Variants in USP25 observed in about 807,000 individuals in gnomAD.
The protein encoded by USP25 is ubiquitin specific peptidase 25.
A neutral mutation model predicts 158.5 loss-of-function variants in USP25; 85 were observed. The ratio of observed to expected loss-of-function variants is 0.54; its 90% CI spans 0.45 to 0.64. The LOEUF (loss-of-function observed/expected upper bound fraction) is 0.64. Ranked by LOEUF, USP25 falls within the 30% of genes least tolerant of loss-of-function variation. The probability of loss-of-function intolerance (pLI) is 0.00; values close to 1 mark genes in which losing one functional copy is unlikely to be tolerated. For missense variants in USP25, 1,242 were observed against 1,327.3 expected (o/e 0.94, Z 1.00); for synonymous variants, 464 against 460.4 (o/e 1.01, Z -0.10).
Position 15,809,557 on chromosome 21 carries a change from T to C in USP25, c.857+672T>C, listed in dbSNP as rs139700073. ...CCCTTGTGCAGTGTTGGTGAGGATA[T>C]GAAATGGTACAGCCACTGTGGAAAA... On this transcript the variant is annotated intron_variant, in intron 8 of 25. Coordinates refer to ENST00000400183, the MANE Select transcript of USP25 (RefSeq NM_001283041.3). Among the ~76,000 whole-genome samples, 380 of 152,228 alleles carry C rather than the reference T, an allele frequency of 2.5e-3. 2 individuals carry two copies. The highest frequency in any genetic ancestry group is 8.7e-3 in the African/African-American group (363 of 41,530).
intron 17 of USP25, among the ~76,000 whole-genome samples, chr21:15,838,097 T>G (rs1763885474): frequency 6.6e-6 from 1 of 151,910 alleles, no homozygotes; most frequent in African/African-American, 2.4e-5. Flanking sequence ...GGGCTGATTT[T>G]TTTGTATTTT....
intron 4 of USP25, among the ~76,000 whole-genome samples, chr21:15,783,591 G>C (rs940386762): frequency 4.0e-5 from 6 of 151,796 alleles, no homozygotes; most frequent in African/African-American, 1.5e-4. Flanking sequence ...ACAGTGCTGG[G>C]AAAAAATAAA....
chr21:15,789,288 TC>T (rs1199079115), intron 4 of USP25, among the ~76,000 whole-genome samples: 1 of 152,038 alleles, frequency 6.6e-6, no homozygotes, highest in African/African-American at 2.4e-5. Flanking sequence ...CAAAAGACCT[TC>T]CTGGGGTTTA....
At chr21:15,813,079 G>T (rs1175462898) in intron 9 of USP25, among the ~76,000 whole-genome samples, 1 of 142,476 alleles carries the variant, frequency 7.0e-6, no homozygotes, top group African/African-American at 2.6e-5. Context: ...CATCTTTTCT[G>T]TGTCTGTACT....
At chr21:15,815,394 C>T (rs2036886718) in intron 9 of USP25, among the ~76,000 whole-genome samples, 1 of 152,206 alleles carries the variant, frequency 6.6e-6, no homozygotes, top group South Asian at 2.1e-4. Flanking sequence ...CCACTGTCCT[C>T]CAGACCCCAG....
intron 1 of USP25, among the ~76,000 whole-genome samples, chr21:15,759,550 T>G (rs1180517434): frequency 6.6e-6 from 1 of 152,226 alleles, no homozygotes; most frequent in Non-Finnish European, 1.5e-5. Flanking sequence ...ATCGGTAGAT[T>G]TGAATATATT....
At chr21:15,838,907 C>T (rs1406960912) in intron 17 of USP25, among the ~76,000 whole-genome samples, 2 of 152,048 alleles carry the variant, frequency 1.3e-5, no homozygotes, top group Non-Finnish European at 2.9e-5. Flanking sequence ...TCCTCAATAG[C>T]CTGTTTCAAC....
chr21:15,788,097 AC>A (rs2035394426), intron 4 of USP25, among the ~76,000 whole-genome samples: 1 of 151,280 alleles, frequency 6.6e-6, no homozygotes, highest in African/African-American at 2.4e-5. Flanking sequence ...GATAGGTCAG[AC>A]TCGTTTTTGG....
rs1359425528 is a variant in USP25 at position 15,816,753 on chromosome 21, A to G, written c.932-1945A>G. 6.6e-6 allele frequency among the ~76,000 whole-genome samples: 1 copy of G among 152,022 alleles called. No homozygotes were observed. The highest frequency in any genetic ancestry group is 1.5e-5 in the Non-Finnish European group (1 of 68,020). ...GTCTTCTCAAATTGAAATCTCATGG[A>G]TCATAATGAACCAGTGATTTCCACT... On this transcript the variant is annotated intron_variant, in intron 9 of 25. Coordinates refer to ENST00000400183, the MANE Select transcript of USP25 (RefSeq NM_001283041.3). The surrounding 1 kb of genome is among the most constrained non-coding windows in gnomAD (Gnocchi z 4.0).
rs139208199 is a variant in USP25 at position 15,834,869 on chromosome 21, G to A, written c.2194+1321G>A. On this transcript the variant is annotated intron_variant, in intron 17 of 25. Coordinates refer to ENST00000400183, the MANE Select transcript of USP25 (RefSeq NM_001283041.3). ...TTTCCCCCACGTGTACAAGGCTACCGCGTAGAGCAGGTGAAGCTATGTGGG... is the reference window on the plus strand; with the variant it reads ...TTTCCCCCACGTGTACAAGGCTACCACGTAGAGCAGGTGAAGCTATGTGGG... 2.5e-3 allele frequency among the ~76,000 whole-genome samples: 377 copies of A among 152,308 alleles called. 2 individuals are homozygous for A. The highest frequency in any genetic ancestry group is 8.8e-3 in the African/African-American group (365 of 41,564).
intron 1 of USP25, among the ~76,000 whole-genome samples, chr21:15,740,233 A>C (rs1467120551): frequency 6.6e-6 from 1 of 152,240 alleles, no homozygotes; most frequent in East Asian, 1.9e-4. Flanking sequence ...ATCGCAGATT[A>C]TTCTTCTGCA....
At chr21:15,863,383 A>G (rs1346161964) in intron 20 of USP25, among the ~76,000 whole-genome samples, 1 of 152,176 alleles carries the variant, frequency 6.6e-6, no homozygotes, top group Admixed American at 6.5e-5. Context: ...TGTTGGAGCA[A>G]TAAATACTTC....
intron 1 of USP25, among the ~76,000 whole-genome samples, chr21:15,757,932 G>C (rs1409837694): frequency 6.6e-6 from 1 of 152,144 alleles, no homozygotes; most frequent in African/African-American, 2.4e-5. Flanking sequence ...TTATTAATTT[G>C]TGTATATACT....
chr21:15,866,514 A>G (rs1601177512), intron 22 of USP25, among the ~76,000 whole-genome samples, 170 bp downstream of exon 22: 1 of 152,252 alleles, frequency 6.6e-6, no homozygotes, highest in East Asian at 1.9e-4. Context: ...TGATTTTAGG[A>G]TTAACATGAT....
At chr21:15,822,852 A>G (rs2037301954) in intron 10 of USP25, among the ~76,000 whole-genome samples, 1 of 152,060 alleles carries the variant, frequency 6.6e-6, no homozygotes, top group Non-Finnish European at 1.5e-5. Flanking sequence ...GGTATTATCC[A>G]TATAAAACAA....
chr21:15,850,119 G>A (rs2038816834), intron 20 of USP25, among the ~76,000 whole-genome samples: 1 of 151,914 alleles, frequency 6.6e-6, no homozygotes, highest in Admixed American at 6.6e-5. Flanking sequence ...GTGTGCTTTT[G>A]ATTTGTCAGC....
chr21:15,854,208 C>T (rs1166058258), intron 20 of USP25, among the ~76,000 whole-genome samples: 1 of 152,022 alleles, frequency 6.6e-6, no homozygotes, highest in African/African-American at 2.4e-5. Context: ...TGCAGTGGTG[C>T]GATCTTGGCT....
chr21:15,842,046 G>A (rs115899228), intron 17 of USP25, among the ~76,000 whole-genome samples: 257 of 152,260 alleles, frequency 1.7e-3, no homozygotes, highest in African/African-American at 6.0e-3. Flanking sequence ...GCACTCTATG[G>A]AAAGTCAGCC....
At position 15,786,294 on chromosome 21, in the gene USP25, C is replaced by A. The variant is rs533914070; in HGVS notation, c.393-5208C>A. Among the ~76,000 whole-genome samples the A allele has an allele frequency of 5.9e-5, 9 of 152,132 alleles. No homozygotes were observed. In the South Asian group the frequency reaches 1.9e-3, roughly 32 times the overall value. ...TACTTCCAAACTCATTTTATGAGGC[C>A]AGCATTACCCTGATTCAAAAACTAG... On this transcript the variant is annotated intron_variant, in intron 4 of 25. Coordinates refer to ENST00000400183, the MANE Select transcript of USP25 (RefSeq NM_001283041.3).
Sources: gnomAD v4.1 joint callset for allele counts (sites outside exome capture counted in the v4.1 genomes callset) on GRCh38, gnomAD v4.1.1 for gene constraint, Gnocchi (gnomAD v3.1) non-coding constraint, MANE v1.5 for transcripts, NCBI Gene and HGNC (gene_info 2026-07-23, HGNC 2026-07-21) for gene names.